Variants in AGBL4 observed in about 807,000 individuals in gnomAD.
The protein encoded by AGBL4 is cytosolic carboxypeptidase 6.
A neutral mutation model predicts 66.4 loss-of-function variants in AGBL4; 58 were observed. The ratio of observed to expected loss-of-function variants is 0.87; its 90% CI spans 0.71 to 1.09. The LOEUF (loss-of-function observed/expected upper bound fraction) is 1.09. AGBL4 is among the 50% of genes least tolerant of loss of function. The pLI, the probability that AGBL4 is intolerant of heterozygous loss-of-function variation, is 0.00. For missense variants in AGBL4, 579 were observed against 631.0 expected (o/e 0.92, Z 0.88); for synonymous variants, 234 against 222.9 (o/e 1.05, Z -0.44).
At chr1:49,660,794 C>T (rs1215414090) in intron 3 of AGBL4, among the ~76,000 whole-genome samples, 1 of 152,160 alleles carries the variant, frequency 6.6e-6, no homozygotes, top group Non-Finnish European at 1.5e-5. Context: ...AGATCATGTC[C>T]TTTCCAGGGA....
intron 3 of AGBL4, among the ~76,000 whole-genome samples, chr1:49,298,614 G>A (rs1421835755): frequency 6.6e-6 from 1 of 151,844 alleles, no homozygotes; most frequent in Non-Finnish European, 1.5e-5. Flanking sequence ...ATTGAGGGGT[G>A]CCTGGCCTCT....
At chr1:49,490,199 T>C (rs1373683985) in intron 3 of AGBL4, among the ~76,000 whole-genome samples, 2 of 151,800 alleles carry the variant, frequency 1.3e-5, no homozygotes, top group African/African-American at 2.4e-5. Context: ...TAATTCTCTT[T>C]GATTCCTGAA....
intron 5 of AGBL4, among the ~76,000 whole-genome samples, chr1:48,926,899 A>G (rs1051469309): frequency 6.6e-6 from 1 of 152,140 alleles, no homozygotes; most frequent in African/African-American, 2.4e-5. Context: ...TTATAGTAGG[A>G]AGTGGTAGTT....
At chr1:49,550,044 T>C (rs1652829922) in intron 3 of AGBL4, among the ~76,000 whole-genome samples, 1 of 152,212 alleles carries the variant, frequency 6.6e-6, no homozygotes. Flanking sequence ...TGTCCCTCTT[T>C]GTCTCTTGTA....
At chr1:49,044,973 T>C (rs982401234) in intron 5 of AGBL4, among the ~76,000 whole-genome samples, 3 of 152,226 alleles carry the variant, frequency 2.0e-5, no homozygotes, top group African/African-American at 7.2e-5. Flanking sequence ...TGTACTACCA[T>C]ATTTGTGGTA....
At chr1:48,768,361 T>C (rs965432473) in intron 6 of AGBL4, among the ~76,000 whole-genome samples, 1 of 152,052 alleles carries the variant, frequency 6.6e-6, no homozygotes, top group African/African-American at 2.4e-5. Context: ...AATGCCCAAA[T>C]AGGGTCTCTA....
chr1:48,887,795 C>T (rs1650518363), intron 5 of AGBL4, among the ~76,000 whole-genome samples: 1 of 152,210 alleles, frequency 6.6e-6, no homozygotes, highest in Non-Finnish European at 1.5e-5. Flanking sequence ...ATGACCACTA[C>T]ATTTTGGCCC....
At chr1:49,338,602 G>C (rs150325522) in intron 3 of AGBL4, among the ~76,000 whole-genome samples, 2 of 152,366 alleles carry the variant, frequency 1.3e-5, no homozygotes, top group South Asian at 4.1e-4. Context: ...CCAGGCAGGA[G>C]AGTAGAGAGG....
intron 5 of AGBL4, among the ~76,000 whole-genome samples, chr1:48,876,646 C>CAT (rs1340431476): frequency 1.3e-5 from 2 of 152,152 alleles, no homozygotes; most frequent in African/African-American, 4.8e-5. Context: ...TAGGTGCTTA[C>CAT]ATATTGGTCT....
intron 2 of AGBL4, among the ~76,000 whole-genome samples, chr1:49,747,266 G>T (rs1651059917): frequency 1.3e-5 from 2 of 152,126 alleles, no homozygotes; most frequent in South Asian, 4.2e-4. Flanking sequence ...ACTGTCCTTT[G>T]CTCATTGTTG....
chr1:49,507,397 C>A (rs1473361368), intron 3 of AGBL4, among the ~76,000 whole-genome samples: 1 of 152,120 alleles, frequency 6.6e-6, no homozygotes, highest in Non-Finnish European at 1.5e-5. Context: ...TCATGAGAGA[C>A]AGTAAAAGCT....
At chr1:49,992,371 C>CAAAAAAAAAAAAAAAAAA (rs34311728) in intron 1 of AGBL4, among the ~76,000 whole-genome samples, 1 of 86,842 alleles carries the variant, frequency 1.2e-5, no homozygotes, top group African/African-American at 4.6e-5. Context: ...GACTCCGTCT[C>CAAAAAAAAAAAAAAAAAA]AAAAAAAAAA....
chr1:49,322,670 G>A (rs1645151377), intron 3 of AGBL4, among the ~76,000 whole-genome samples: 1 of 152,200 alleles, frequency 6.6e-6, no homozygotes, highest in Non-Finnish European at 1.5e-5. Flanking sequence ...AGGAATGCTT[G>A]GAGCCACCAG....
chr1:49,596,046 C>G (rs1325947794), intron 3 of AGBL4, among the ~76,000 whole-genome samples: 1 of 152,074 alleles, frequency 6.6e-6, no homozygotes, highest in Non-Finnish European at 1.5e-5. Flanking sequence ...AGGTTCTAAA[C>G]ACAGAAAGAA....
intron 3 of AGBL4, among the ~76,000 whole-genome samples, chr1:49,637,877 A>C (rs1422833342): frequency 6.6e-6 from 1 of 152,184 alleles, no homozygotes; most frequent in Non-Finnish European, 1.5e-5. Context: ...AGTAATACAT[A>C]ATGATATAAA....
At chr1:49,618,040 T>C (rs545405199) in intron 3 of AGBL4, among the ~76,000 whole-genome samples, 67 of 152,284 alleles carry the variant, frequency 4.4e-4, no homozygotes, top group Non-Finnish European at 9.3e-4. Context: ...GTGTGTGATG[T>C]TCCCCTCCCT....
chr1:49,236,005 T>C (rs1225658830), intron 4 of AGBL4, among the ~76,000 whole-genome samples: 2 of 150,710 alleles, frequency 1.3e-5, no homozygotes, highest in African/African-American at 4.9e-5. Flanking sequence ...AGGATTTATT[T>C]ATTTATTTAT....
chr1:49,642,548 T>C (rs561399272), intron 3 of AGBL4, among the ~76,000 whole-genome samples: 1 of 152,066 alleles, frequency 6.6e-6, no homozygotes, highest in South Asian at 2.1e-4. Context: ...TCTTGACTTT[T>C]CACCTTTACT....
intron 1 of AGBL4, among the ~76,000 whole-genome samples, chr1:50,016,172 T>A (rs1027933623): frequency 3.9e-5 from 6 of 152,178 alleles, no homozygotes; most frequent in African/African-American, 1.4e-4. Flanking sequence ...AAAGAAACTA[T>A]CAACAGAGTA....
Sources: allele counts gnomAD v4.1 joint callset (sites outside exome capture counted in the v4.1 genomes callset), GRCh38; gene constraint gnomAD v4.1.1; transcripts MANE v1.5; gene names NCBI Gene and HGNC (gene_info 2026-07-23, HGNC 2026-07-21).